Variants in DCAF8L2 observed in about 807,000 individuals in gnomAD.
The protein encoded by DCAF8L2 is DDB1 and CUL4 associated factor 8 like 2.
For synonymous variants in DCAF8L2, 200 were observed against 190.9 expected (o/e 1.05, Z -0.39); for missense variants, 430 against 490.7 (o/e 0.88, Z 1.17).
the DCAF8L2 span, among the ~76,000 whole-genome samples, chrX:27,472,234 G>T: frequency 1.3e-4 from 15 of 111,431 alleles, no homozygotes; most frequent in African/African-American, 4.6e-4. Flanking sequence ...CATTTGGACA[G>T]GCAATATATG....
At chrX:27,524,566 T>C in the DCAF8L2 span, among the ~76,000 whole-genome samples, 201 of 110,849 alleles carry the variant, frequency 1.8e-3, 2 homozygotes, top group African/African-American at 6.2e-3. Context: ...TCTTGCCTTC[T>C]GCTAGCTTTT....
At position 27,743,108 on chromosome X, in the gene DCAF8L2, G is replaced by A. The variant is rs546395483; in HGVS notation, c.-58-3730G>A. 3.1e-4 allele frequency among the ~76,000 whole-genome samples: 34 copies of A among 110,871 alleles called. No homozygotes were observed. The South Asian group carries it at 0.012, about 40-fold the overall frequency. ...ATTTTATTTTATTTTTTGAGATAGG[G>A]TCTTACTCCGTGACCCAGGCTGGAG... On this transcript the variant is annotated intron_variant, in intron 4 of 4. Transcript: ENST00000451261.
chrX:27,698,530 A>T, intron 3 of DCAF8L2, among the ~76,000 whole-genome samples: 1 of 112,117 alleles, frequency 8.9e-6, no homozygotes, highest in East Asian at 2.8e-4. Context: ...AAGATGTTAT[A>T]TTTGCTACAG....
At position 27,748,971 on chromosome X, in the gene DCAF8L2, C is replaced by A; in HGVS notation, c.*180C>A. 1 of 575,064 alleles carries A rather than the reference C, an allele frequency of 1.7e-6. No individual in the cohort carries two copies. Among genetic ancestry groups the A allele is most frequent in the Non-Finnish European group, 2.6e-6 (1 of 389,147 alleles). 47.4% of individuals were successfully genotyped at this position (575,064 alleles called of 1,213,427 possible). A position where few individuals can be genotyped will look rare whatever the true frequency, so the allele number is the denominator to read the frequency against. The stretch of plus-strand genomic sequence containing the variant: ...TCTCTACTTTCCTTTCTTTCTTCCA[C>A]ACATTCTTTCTCTCATTCCTTTCCT... On this transcript the variant is annotated 3_prime_UTR_variant, in exon 5 of 5. Coordinates refer to ENST00000451261, the MANE Select transcript of DCAF8L2 (RefSeq NM_001353450.2).
chrX:27,647,202 A>T (rs1218584958), intron 2 of DCAF8L2, among the ~76,000 whole-genome samples: 1 of 112,468 alleles, frequency 8.9e-6, no homozygotes, highest in Non-Finnish European at 1.9e-5. Context: ...AATGTGCTAC[A>T]TATACACCAT....
chrX:27,746,281 A>G (rs761424716), intron 4 of DCAF8L2, among the ~76,000 whole-genome samples: 23 of 112,587 alleles, frequency 2.0e-4, no homozygotes, highest in Non-Finnish European at 4.3e-4. Flanking sequence ...TCTGAAATGC[A>G]ATTAACTATG....
chrX:27,622,196 G>A (rs749490613), intron 1 of DCAF8L2, among the ~76,000 whole-genome samples: 2 of 109,333 alleles, frequency 1.8e-5, no homozygotes, highest in South Asian at 3.9e-4. Flanking sequence ...AGGCCGAGAC[G>A]GGCGGATCAC....
At chrX:27,628,804 C>G (rs1602675104) in intron 1 of DCAF8L2, among the ~76,000 whole-genome samples, 1 of 110,410 alleles carries the variant, frequency 9.1e-6, no homozygotes, top group South Asian at 3.9e-4. Flanking sequence ...GGGGTTTCAC[C>G]ATGTTAGCCA....
At chrX:27,564,805 T>G in the DCAF8L2 span, among the ~76,000 whole-genome samples, 1 of 110,027 alleles carries the variant, frequency 9.1e-6, no homozygotes, top group East Asian at 2.9e-4. Flanking sequence ...CATGCTTCCT[T>G]TAAAACTCTC....
At chrX:27,721,329 G>A (rs1416648577) in intron 4 of DCAF8L2, among the ~76,000 whole-genome samples, 1 of 111,655 alleles carries the variant, frequency 9.0e-6, no homozygotes, top group Non-Finnish European at 1.9e-5. Context: ...TAATTTCACT[G>A]TTGCTCATAA....
At chrX:27,703,703 T>C (rs1338965837) in intron 3 of DCAF8L2, among the ~76,000 whole-genome samples, 3 of 110,599 alleles carry the variant, frequency 2.7e-5, no homozygotes, top group Non-Finnish European at 5.7e-5. Context: ...ACTCACACCA[T>C]GCACACACAT....
chrX:27,543,506 C>T, the DCAF8L2 span, among the ~76,000 whole-genome samples: 4 of 110,326 alleles, frequency 3.6e-5, no homozygotes, highest in East Asian at 2.8e-4. Context: ...TTTCTAATTC[C>T]GTGAAAAAAA....
chrX:27,478,245 C>T, the DCAF8L2 span, among the ~76,000 whole-genome samples: 23 of 111,970 alleles, frequency 2.1e-4, no homozygotes, highest in South Asian at 3.6e-4. Flanking sequence ...AGGATGCAAA[C>T]GATTAAAGAT....
chrX:27,685,930 G>A (rs895424845), intron 3 of DCAF8L2, among the ~76,000 whole-genome samples: 10 of 111,779 alleles, frequency 8.9e-5, no homozygotes, highest in African/African-American at 2.6e-4. Flanking sequence ...CAGAAGATCT[G>A]AATAGACAGT....
intron 2 of DCAF8L2, among the ~76,000 whole-genome samples, chrX:27,652,929 G>A (rs921034147): frequency 1.8e-5 from 2 of 112,240 alleles, no homozygotes; most frequent in Non-Finnish European, 3.8e-5. Context: ...TAGGAATTCA[G>A]TCCCTATAAA....
At chrX:27,543,283 A>C in the DCAF8L2 span, among the ~76,000 whole-genome samples, 1 of 112,152 alleles carries the variant, frequency 8.9e-6, no homozygotes, top group Non-Finnish European at 1.9e-5. Flanking sequence ...GTTGAAGATC[A>C]CATGGTTGTA....
the DCAF8L2 span, among the ~76,000 whole-genome samples, chrX:27,582,456 T>C: frequency 9.0e-6 from 1 of 111,293 alleles, no homozygotes; most frequent in East Asian, 2.8e-4. Context: ...TCTTCCCTTG[T>C]TTTTTATAAT....
the DCAF8L2 span, among the ~76,000 whole-genome samples, chrX:27,557,309 C>G: frequency 8.9e-6 from 1 of 111,778 alleles, no homozygotes; most frequent in African/African-American, 3.2e-5. Flanking sequence ...ACCACAAAGA[C>G]AATACAAATG....
At chrX:27,542,565 T>C in the DCAF8L2 span, among the ~76,000 whole-genome samples, 5,936 of 66,644 alleles carry the variant, frequency 0.089, 284 homozygotes, top group Middle Eastern at 0.13. Context: ...TTTTTTGAGA[T>C]GGAGTCTCGC....
Sources: allele counts gnomAD v4.1 joint callset (sites outside exome capture counted in the v4.1 genomes callset), GRCh38; gene constraint gnomAD v4.1.1; transcripts MANE v1.5; gene names NCBI Gene and HGNC (gene_info 2026-07-23, HGNC 2026-07-21).